The following C6 variants were observed in gnomAD, a reference collection of about 807,000 sequenced individuals.
C6 encodes the protein complement C6, also known as complement component C6.
In C6, 101 loss-of-function variants were observed where a neutral mutation model predicts 112.9. The observed-to-expected ratio is 0.89, with a 90% confidence interval of 0.76 to 1.06. The LOEUF (loss-of-function observed/expected upper bound fraction) is 1.06, where lower values mean the gene tolerates loss of function less well. C6 is among the 50% of genes least tolerant of loss of function. C6 has a pLI of 0.00. For missense variants in C6, 1,202 were observed against 1,104.6 expected, an observed-to-expected ratio of 1.09 and a Z score of -1.25; for synonymous variants, 431 against 384.1, an observed-to-expected ratio of 1.12 and a Z score of -1.43.
intron 1 of C6, among the ~76,000 whole-genome samples, chr5:41,224,244 A>C (rs1463688427): frequency 1.3e-5 from 2 of 152,168 alleles, no homozygotes; most frequent in East Asian, 3.8e-4. Context: ...AGCTTTATTG[A>C]GATGTAATTC....
chr5:41,195,753 T>C (rs767063213), intron 5 of C6, 39 bp downstream of exon 5: 64 of 1,605,620 alleles, frequency 4.0e-5, no homozygotes, highest in Non-Finnish European at 4.9e-5. Flanking sequence ...TTTGTTCTGA[T>C]ACCTGTTCTC....
Position 41,158,785 on chromosome 5 carries a change from AC to A in C6, c.1857-1del. The A allele has an allele frequency of 6.6e-7, 1 of 1,513,060 alleles. No homozygotes were observed. The highest frequency in any genetic ancestry group is 9.2e-7 in the Non-Finnish European group (1 of 1,088,122). 93.7% of individuals were successfully genotyped at this position (1,513,060 alleles called of 1,614,324 possible). A position where few individuals can be genotyped will look rare whatever the true frequency, so the allele number is the denominator to read the frequency against. On this transcript the variant is annotated splice_acceptor_variant, in intron 12 of 17. Coordinates refer to ENST00000337836, the MANE Select transcript of C6 (RefSeq NM_000065.5). LOFTEE classifies it high-confidence loss of function. Reference sequence around the variant, plus strand: ...CGTCATCATTGATACATGGTTGTCCACTAAAAGGGAAACATAAATATGTGTG... The same window carrying A: ...CGTCATCATTGATACATGGTTGTCCATAAAAGGGAAACATAAATATGTGTG...
intron 1 of C6, among the ~76,000 whole-genome samples, chr5:41,232,132 T>TTA (rs1267983320): frequency 2.0e-5 from 3 of 152,186 alleles, no homozygotes; most frequent in Non-Finnish European, 2.9e-5. Flanking sequence ...CTTAGCTTTG[T>TTA]TATATATTGC....
At chr5:41,239,111 C>CTTTTTTTTTTTT (rs34322889) in intron 1 of C6, among the ~76,000 whole-genome samples, 8 of 121,670 alleles carry the variant, frequency 6.6e-5, no homozygotes, top group African/African-American at 1.2e-4. Flanking sequence ...TCTTTTCTTT[C>CTTTTTTTTTTTT]TTTTTTTTTT....
chr5:41,251,662 C>T (rs1052084139), intron 1 of C6, among the ~76,000 whole-genome samples: 1 of 152,276 alleles, frequency 6.6e-6, no homozygotes, highest in Non-Finnish European at 1.5e-5. Context: ...GGTTCTGATG[C>T]TAGAGAGCTA....
chr5:41,181,577 TA>T lies in C6; in HGVS notation c.727-19del. 1 of 1,587,976 alleles carries T rather than the reference TA, an allele frequency of 6.3e-7. No individual in the cohort carries two copies. The highest frequency in any genetic ancestry group is 8.6e-7 in the Non-Finnish European group (1 of 1,158,212). On this transcript the variant is annotated intron_variant, in intron 6 of 17. Transcript: ENST00000337836. The stretch of plus-strand genomic sequence containing the variant: ...GTTTGTACCTGGAGAAAAATCCATG[TA>T]AAATAAAATATAATTTAGGAAATAC...
Position 41,149,429 on chromosome 5 carries a change from G to A in C6, c.2435C>T (p.Thr812Ile), listed in dbSNP as rs61733158. 8.4e-4 allele frequency: 1,361 copies of A among 1,614,086 alleles called. 15 individuals carry two copies. The African/African-American group carries it at 0.016, about 19-fold the overall frequency. The change falls in exon 17 of 18, where the codon ACT (threonine) becomes ATT (isoleucine). Residue 812 changes from threonine to isoleucine, a missense_variant. Thr to Ile is a moderately conservative substitution (Grantham distance 89). Transcript: ENST00000337836. ...VFDTDSNDYF[T>I]SPACKFLAEK... Reference sequence around the variant, plus strand: ...AGCCAAAAACTTACAAGCGGGTGAAGTAAAGTAATCGTTGGAGTCTGTGTC... The same window carrying A: ...AGCCAAAAACTTACAAGCGGGTGAAATAAAGTAATCGTTGGAGTCTGTGTC...
chr5:41,246,553 G>A (rs189185336), intron 1 of C6, among the ~76,000 whole-genome samples: 157 of 152,298 alleles, frequency 1.0e-3, no homozygotes, highest in African/African-American at 3.6e-3. Flanking sequence ...TTACATCAGC[G>A]TGACAGCACA....
intron 5 of C6, 55 bp from the exon 6 acceptor site, chr5:41,186,263 T>A (rs1749762151): frequency 6.9e-6 from 11 of 1,587,110 alleles, no homozygotes; most frequent in Non-Finnish European, 9.5e-6. Context: ...TCTTTAAAAT[T>A]TACCTTAGTT....
chr5:41,249,963 A>G (rs1474302744), intron 1 of C6, among the ~76,000 whole-genome samples: 1 of 152,238 alleles, frequency 6.6e-6, no homozygotes, highest in Non-Finnish European at 1.5e-5. Flanking sequence ...TAAATAATGT[A>G]CTACCCTCTT....
intron 1 of C6, among the ~76,000 whole-genome samples, chr5:41,240,434 G>A (rs191612980): frequency 1.3e-3 from 199 of 152,242 alleles, no homozygotes; most frequent in African/African-American, 4.2e-3. Flanking sequence ...TCCTTGGGCC[G>A]CTGAGCAGCA....
intron 15 of C6, among the ~76,000 whole-genome samples, 186 bp downstream of exon 15, chr5:41,153,624 G>T (rs192438858): frequency 3.9e-5 from 6 of 152,146 alleles, no homozygotes; most frequent in Non-Finnish European, 7.3e-5. Flanking sequence ...AATAAAGGAC[G>T]CAGGATGGCA....
At chr5:41,197,309 G>A (rs1750689822) in intron 4 of C6, among the ~76,000 whole-genome samples, 1 of 152,124 alleles carries the variant, frequency 6.6e-6, no homozygotes, top group Non-Finnish European at 1.5e-5. Flanking sequence ...AATGCAGATT[G>A]AATTGAATGT....
At chr5:41,176,382 G>C (rs1392951759) in intron 8 of C6, 93 bp downstream of exon 8, 2 of 1,305,228 alleles carry the variant, frequency 1.5e-6, no homozygotes, top group Non-Finnish European at 2.2e-6. Context: ...TCTAAATAAA[G>C]TCAAAGCAGA....
chr5:41,215,912 TTATCATTATAGCAAAAGTAC>T (rs1377236873), upstream of C6, among the ~76,000 whole-genome samples: 6 of 152,098 alleles, frequency 3.9e-5, no homozygotes, highest in Admixed American at 3.9e-4. Flanking sequence ...ACATGCCAAC[TTATCATTATAGCAAAAGTAC>T]TATAATTTCT....
At chr5:41,259,870 T>G (rs1448230473) in intron 1 of C6, among the ~76,000 whole-genome samples, 2 of 152,206 alleles carry the variant, frequency 1.3e-5, no homozygotes, top group Non-Finnish European at 2.9e-5. Context: ...ATGCGTCAGT[T>G]CTTCCTTAAA....
intron 1 of C6, among the ~76,000 whole-genome samples, chr5:41,246,042 A>T (rs1420410819): frequency 6.6e-6 from 1 of 152,182 alleles, no homozygotes; most frequent in African/African-American, 2.4e-5. Flanking sequence ...ATACCCTCGA[A>T]GGTAGAGATG....
At chr5:41,146,463 C>T (rs1047757610) in intron 17 of C6, among the ~76,000 whole-genome samples, 2 of 152,112 alleles carry the variant, frequency 1.3e-5, no homozygotes, top group African/African-American at 4.8e-5. Flanking sequence ...GTATAAAGTA[C>T]ATTTTTAGCT....
chr5:41,199,719 A>G, intron 4 of C6, 49 bp downstream of exon 4: 1 of 1,574,022 alleles, frequency 6.4e-7, no homozygotes, highest in Middle Eastern at 1.9e-4. Flanking sequence ...ACTTTGATTT[A>G]GTCAAGCTAT....
Sources: allele counts gnomAD v4.1 joint callset (sites outside exome capture counted in the v4.1 genomes callset), GRCh38; gene constraint gnomAD v4.1.1; transcripts MANE v1.5; gene names NCBI Gene and HGNC (gene_info 2026-07-23, HGNC 2026-07-21).